C4orf36: variants seen among roughly 807,000 people sequenced by gnomAD.
The protein encoded by C4orf36 is chromosome 4 open reading frame 36.
C4orf36 carries 11 observed loss-of-function variants against 12.2 expected under a neutral mutation model. The ratio of observed to expected loss-of-function variants is 0.90; its 90% confidence interval spans 0.57 to 1.49. The LOEUF is 1.49. C4orf36 is among the 40% of genes most tolerant of loss of function. The pLI, the probability that C4orf36 is intolerant of heterozygous loss-of-function variation, is 0.00. For synonymous variants in C4orf36, 54 were observed against 51.3 expected (o/e 1.05, Z -0.22); for missense variants, 137 against 133.9 (o/e 1.02, Z -0.11).
the C4orf36 span, among the ~76,000 whole-genome samples, chr4:86,928,996 T>G: frequency 6.6e-6 from 1 of 152,222 alleles, no homozygotes; most frequent in Non-Finnish European, 1.5e-5. Context: ...AGTCCTTTAG[T>G]GTTTGTTGGA....
chr4:86,914,867 CGGGCT>C, the C4orf36 span: 1 of 397,824 alleles, frequency 2.5e-6, no homozygotes, highest in Non-Finnish European at 4.7e-6. Context: ...GGAGTCCGGA[CGGGCT>C]TGGAGTGGAG....
intron 4 of C4orf36, among the ~76,000 whole-genome samples, chr4:86,878,340 C>T (rs937153545): frequency 2.6e-5 from 4 of 152,164 alleles, no homozygotes; most frequent in African/African-American, 9.7e-5. Flanking sequence ...GGTTTGTAAC[C>T]TCAAAGTTAT....
At chr4:86,914,860 G>A in the C4orf36 span, 1 of 410,560 alleles carries the variant, frequency 2.4e-6, no homozygotes, top group East Asian at 9.3e-5. Context: ...GGTCGGGGGA[G>A]TCCGGACGGG....
At chr4:86,877,918 C>G (rs983138461) in intron 4 of C4orf36, among the ~76,000 whole-genome samples, 2 of 152,010 alleles carry the variant, frequency 1.3e-5, no homozygotes, top group Non-Finnish European at 2.9e-5. Flanking sequence ...TCAAAATAAC[C>G]CAATGGTGGG....
the C4orf36 span, among the ~76,000 whole-genome samples, chr4:86,901,887 T>C: frequency 2.0e-5 from 3 of 152,168 alleles, no homozygotes; most frequent in African/African-American, 4.8e-5. Flanking sequence ...ATGCTATACA[T>C]GTGAATGTGA....
chr4:86,884,273 A>C (rs1174313804), intron 4 of C4orf36, among the ~76,000 whole-genome samples: 2 of 151,610 alleles, frequency 1.3e-5, no homozygotes, highest in East Asian at 3.9e-4. Flanking sequence ...AGAAAATAAG[A>C]AATTAGGCAG....
At chr4:86,922,298 GGAAAA>G in the C4orf36 span, among the ~76,000 whole-genome samples, 4 of 151,960 alleles carry the variant, frequency 2.6e-5, no homozygotes, top group Admixed American at 1.3e-4. Flanking sequence ...AACAATGAAA[GGAAAA>G]GAAAACCAGG....
At chr4:86,912,957 C>T in the C4orf36 span, among the ~76,000 whole-genome samples, 111,912 of 150,552 alleles carry the variant, frequency 0.74, 42,204 homozygotes, top group Non-Finnish European at 0.8. Flanking sequence ...TAATTTTCCA[C>T]TGGGCAATTT....
chr4:86,904,575 T>C, the C4orf36 span, among the ~76,000 whole-genome samples: 2 of 76,768 alleles, frequency 2.6e-5, no homozygotes, highest in African/African-American at 5.3e-5. Flanking sequence ...AGCAAGACTC[T>C]GTCTCAAAAA....
the C4orf36 span, among the ~76,000 whole-genome samples, chr4:86,911,271 A>G: frequency 1.2e-4 from 19 of 152,122 alleles, no homozygotes; most frequent in African/African-American, 4.6e-4. Context: ...TTTTTTGAAC[A>G]GTGGTGAGAT....
chr4:86,924,449 C>A, the C4orf36 span, among the ~76,000 whole-genome samples: 1 of 152,204 alleles, frequency 6.6e-6, no homozygotes, highest in Non-Finnish European at 1.5e-5. Context: ...GATCCACCCC[C>A]CTCGGCCTCT....
chr4:86,889,998 C>A, intron 2 of C4orf36: 1 of 448,440 alleles, frequency 2.2e-6, no homozygotes, highest in Non-Finnish European at 4.5e-6. Flanking sequence ...TGAGACTAGC[C>A]TGGGCAACAA....
chr4:86,891,312 AATCAGATCCCAGACACCTC>A, intron 2 of C4orf36, 125 bp downstream of exon 2: 1 of 607,974 alleles, frequency 1.6e-6, no homozygotes, highest in Non-Finnish European at 2.6e-6. Context: ...AAAAAAAAAA[AATCAGATCCCAGACACCTC>A]AAAATACTTC....
the C4orf36 span, among the ~76,000 whole-genome samples, chr4:86,903,293 C>T: frequency 1.3e-5 from 2 of 152,166 alleles, no homozygotes; most frequent in African/African-American, 4.8e-5. Flanking sequence ...CGGTGGATCA[C>T]GAGGTCAAGA....
the C4orf36 span, among the ~76,000 whole-genome samples, chr4:86,916,924 T>A: frequency 1.3e-5 from 2 of 152,264 alleles, no homozygotes; most frequent in African/African-American, 4.8e-5. Context: ...ATGCTGCCTG[T>A]CTTAGTCTGT....
chr4:86,927,118 G>A, the C4orf36 span, among the ~76,000 whole-genome samples: 9 of 152,304 alleles, frequency 5.9e-5, no homozygotes, highest in African/African-American at 1.7e-4. Context: ...CTAGAAGATA[G>A]GAGTCATCTT....
chr4:86,921,230 C>T, the C4orf36 span, among the ~76,000 whole-genome samples: 319 of 151,624 alleles, frequency 2.1e-3, 3 homozygotes, highest in Middle Eastern at 0.024. Context: ...ATATCAATGC[C>T]CAAGAAAAAA....
the C4orf36 span, among the ~76,000 whole-genome samples, chr4:86,929,560 G>A: frequency 6.6e-6 from 1 of 152,094 alleles, no homozygotes; most frequent in African/African-American, 2.4e-5. Flanking sequence ...ACCTGGTTCA[G>A]TCAGACCCAA....
chr4:86,904,580 CAAAAAA>C, the C4orf36 span, among the ~76,000 whole-genome samples: 1 of 70,452 alleles, frequency 1.4e-5, no homozygotes, highest in African/African-American at 5.2e-5. Context: ...GACTCTGTCT[CAAAAAA>C]AAAAAAAAAA....
Sources: gnomAD v4.1 joint callset for allele counts (sites outside exome capture counted in the v4.1 genomes callset) on GRCh38, gnomAD v4.1.1 for gene constraint, MANE v1.5 for transcripts, NCBI Gene and HGNC (gene_info 2026-07-23, HGNC 2026-07-21) for gene names.